MOB1B: variants seen among roughly 807,000 people sequenced by gnomAD.
MOB1B encodes the protein MOB1 Mps One Binder homolog B.
MOB1B carries 19 observed loss-of-function variants against 24.4 expected under a neutral mutation model. The ratio of observed to expected loss-of-function variants is 0.78; its 90% CI spans 0.54 to 1.14. MOB1B has a LOEUF of 1.14. MOB1B is among the 50% of genes most tolerant of loss of function. MOB1B has a pLI of 0.00. For missense variants in MOB1B, 243 were observed against 259.6 expected (o/e 0.94, Z 0.44); for synonymous variants, 76 against 82.1 (o/e 0.93, Z 0.40).
chr4:70,905,242 C>G (rs1279621225), intron 1 of MOB1B, among the ~76,000 whole-genome samples: 1 of 143,904 alleles, frequency 6.9e-6, no homozygotes, highest in South Asian at 2.2e-4. Flanking sequence ...AATACTGTTT[C>G]TTTTTTTTTT....
intron 1 of MOB1B, among the ~76,000 whole-genome samples, chr4:70,919,274 A>G (rs1432440007): frequency 1.3e-5 from 2 of 151,848 alleles, no homozygotes; most frequent in East Asian, 1.9e-4. Context: ...AAACCTGCAT[A>G]TTGTGCACAT....
intron 1 of MOB1B, among the ~76,000 whole-genome samples, chr4:70,933,735 A>G (rs867137093): frequency 1.3e-5 from 2 of 151,926 alleles, no homozygotes; most frequent in African/African-American, 2.4e-5. Context: ...TATTTTTAGT[A>G]GAGATGGGGT....
chr4:70,975,946 C>T, intron 4 of MOB1B: 2 of 489,424 alleles, frequency 4.1e-6, no homozygotes, highest in Non-Finnish European at 5.3e-6. Flanking sequence ...ATTGCCCAGG[C>T]TGGAGTGCAG....
intron 2 of MOB1B, among the ~76,000 whole-genome samples, chr4:70,959,594 A>G (rs1373185850): frequency 6.6e-6 from 1 of 152,208 alleles, no homozygotes; most frequent in Non-Finnish European, 1.5e-5. Flanking sequence ...TACTATCTTC[A>G]TTATAATAAT....
chr4:70,974,743 T>G (rs60381969), intron 3 of MOB1B, among the ~76,000 whole-genome samples: 4,230 of 152,266 alleles, frequency 0.028, 193 homozygotes, highest in African/African-American at 0.094. Context: ...ACCGAAAATT[T>G]AAAGCCCCAA....
intron 1 of MOB1B, among the ~76,000 whole-genome samples, chr4:70,948,152 T>C (rs929861888): frequency 6.6e-6 from 1 of 152,208 alleles, no homozygotes; most frequent in Admixed American, 6.5e-5. Context: ...GATGTCCCAG[T>C]GTCCCAAGTA....
At chr4:70,929,110 G>GGGAA (rs1462376728) in intron 1 of MOB1B, among the ~76,000 whole-genome samples, 1 of 151,460 alleles carries the variant, frequency 6.6e-6, no homozygotes, top group Non-Finnish European at 1.5e-5. Context: ...AAATAAACAA[G>GGGAA]ATAATAGTAA....
intron 4 of MOB1B, 63 bp from the exon 5 acceptor site, chr4:70,979,065 G>C: frequency 1.4e-6 from 2 of 1,381,284 alleles, no homozygotes; most frequent in Non-Finnish European, 2.0e-6. Context: ...GACCTTTGCC[G>C]ACAAACTCAT....
intron 1 of MOB1B, among the ~76,000 whole-genome samples, chr4:70,949,447 A>AT: frequency 6.6e-6 from 1 of 152,224 alleles, no homozygotes; most frequent in East Asian, 1.9e-4. Context: ...AGCTTCTAAC[A>AT]TTTTTTGCAG....
At chr4:70,902,632 C>CG in intron 1 of MOB1B, 82 bp downstream of exon 1, 1 of 1,386,166 alleles carries the variant, frequency 7.2e-7, no homozygotes, top group South Asian at 1.4e-5. Context: ...CGTCGCCCGC[C>CG]CTCGTCCCGA....
At chr4:70,932,400 T>G (rs1204287152) in intron 1 of MOB1B, among the ~76,000 whole-genome samples, 1 of 152,188 alleles carries the variant, frequency 6.6e-6, no homozygotes, top group Admixed American at 6.5e-5. Context: ...TTTTTTCTTT[T>G]TCTTTCTTTT....
At chr4:70,942,953 A>G (rs1737410346) in intron 1 of MOB1B, 3 of 310,370 alleles carry the variant, frequency 9.7e-6, no homozygotes, top group African/African-American at 2.2e-5. Flanking sequence ...AATGTAGCTC[A>G]GAAATATATC....
chr4:70,956,032 T>C (rs1232494647), intron 1 of MOB1B, among the ~76,000 whole-genome samples: 7 of 152,026 alleles, frequency 4.6e-5, no homozygotes, highest in African/African-American at 1.2e-4. Context: ...CTGCCATACC[T>C]AACATTTATA....
chr4:70,952,662 A>G (rs1034764120), intron 1 of MOB1B, among the ~76,000 whole-genome samples: 1 of 151,042 alleles, frequency 6.6e-6, no homozygotes, highest in African/African-American at 2.4e-5. Flanking sequence ...AAAAAAAACA[A>G]AACAAAAACA....
intron 1 of MOB1B, among the ~76,000 whole-genome samples, chr4:70,945,498 C>G (rs1382510541): frequency 6.6e-6 from 1 of 152,192 alleles, no homozygotes; most frequent in Non-Finnish European, 1.5e-5. Context: ...CATGCATACT[C>G]TGTACTATGC....
rs147849591 is a variant in MOB1B, at chr4:70,951,449, G to A, written c.15-7425G>A. 2.6e-5 allele frequency among the ~76,000 whole-genome samples: 4 copies of A among 152,342 alleles called. No homozygotes were observed. The East Asian group carries it at 7.7e-4, about 29-fold the overall frequency. Reference sequence around the variant, plus strand: ...AGTTGTTTACTAGACAAATCACCCTGTCCTGCTCTAAAAATTGATTTGCCT... The same window carrying A: ...AGTTGTTTACTAGACAAATCACCCTATCCTGCTCTAAAAATTGATTTGCCT... On this transcript the variant is annotated intron_variant, in intron 1 of 5. Transcript: ENST00000309395.
intron 2 of MOB1B, among the ~76,000 whole-genome samples, chr4:70,962,078 G>T (rs534816787): frequency 6.6e-6 from 1 of 152,044 alleles, no homozygotes; most frequent in African/African-American, 2.4e-5. Context: ...AAATAAATTA[G>T]CTGGGAGTGG....
intron 3 of MOB1B, among the ~76,000 whole-genome samples, chr4:70,972,426 C>G (rs1053741326): frequency 1.3e-5 from 2 of 151,968 alleles, no homozygotes; most frequent in Non-Finnish European, 2.9e-5. Flanking sequence ...GTTGGCCAGA[C>G]TGGTCTCAAA....
intron 1 of MOB1B, among the ~76,000 whole-genome samples, chr4:70,926,287 C>G (rs2148876239): frequency 6.7e-6 from 1 of 148,282 alleles, no homozygotes; most frequent in Non-Finnish European, 1.5e-5. Flanking sequence ...TTTTAATTAA[C>G]TGAAGATTGT....
Sources: gnomAD v4.1 joint callset for allele counts (sites outside exome capture counted in the v4.1 genomes callset) on GRCh38, gnomAD v4.1.1 for gene constraint, MANE v1.5 for transcripts, NCBI Gene and HGNC (gene_info 2026-07-23, HGNC 2026-07-21) for gene names.